SRRM4: variants seen among roughly 807,000 people sequenced by gnomAD.
The protein encoded by SRRM4 is serine/arginine repetitive matrix 4.
Under a neutral mutation model 68.9 loss-of-function variants are expected in SRRM4, and 33 were observed. The observed-to-expected ratio is 0.48, with a 90% CI of 0.36 to 0.64. SRRM4 has a LOEUF of 0.64. Ranked by LOEUF, SRRM4 falls within the 30% of genes least tolerant of loss-of-function variation. SRRM4 has a pLI of 0.00. For missense variants in SRRM4, 817 were observed against 827.1 expected (o/e 0.99, Z 0.15); for synonymous variants, 318 against 318.8 (o/e 1.00, Z 0.03).
At chr12:119,125,277 A>T in intron 6 of SRRM4, 104 bp from the exon 7 acceptor site, 1 of 999,144 alleles carries the variant, frequency 1.0e-6, no homozygotes, top group Non-Finnish European at 1.5e-6. Flanking sequence ...AGGGATGGTG[A>T]CCAGTGCAAA....
chr12:119,029,840 G>T (rs775683088), intron 1 of SRRM4, among the ~76,000 whole-genome samples: 4 of 152,180 alleles, frequency 2.6e-5, no homozygotes, highest in Non-Finnish European at 5.9e-5. Flanking sequence ...ACATGGCAGG[G>T]TCAGAGACAC....
intron 1 of SRRM4, among the ~76,000 whole-genome samples, chr12:118,990,811 TGTGTTTTTTTGG>T (rs1953311838): frequency 1.3e-5 from 2 of 151,536 alleles, no homozygotes; most frequent in African/African-American, 4.9e-5. Context: ...TTCTCTTGTT[TGTGTTTTTTTGG>T]TTTGTTTTTG....
chr12:119,099,845 C>A (rs1472937536), intron 1 of SRRM4, among the ~76,000 whole-genome samples: 1 of 152,158 alleles, frequency 6.6e-6, no homozygotes, highest in Non-Finnish European at 1.5e-5. Flanking sequence ...ATGGCTACCA[C>A]CAGAATCATC....
At chr12:118,985,172 A>G (rs1180625177) in intron 1 of SRRM4, among the ~76,000 whole-genome samples, 1 of 152,224 alleles carries the variant, frequency 6.6e-6, no homozygotes, top group Non-Finnish European at 1.5e-5. Context: ...CCTGATGGAC[A>G]ACTACATTCA....
chr12:119,115,317 T>A (rs542326034), intron 3 of SRRM4, among the ~76,000 whole-genome samples: 2 of 152,154 alleles, frequency 1.3e-5, no homozygotes, highest in Non-Finnish European at 2.9e-5. Flanking sequence ...TCCTTTAAAA[T>A]TTTTTTATAT....
chr12:119,084,764 A>G (rs1331242319), intron 1 of SRRM4, among the ~76,000 whole-genome samples: 1 of 152,236 alleles, frequency 6.6e-6, no homozygotes, highest in Admixed American at 6.5e-5. Context: ...GTGCACACAA[A>G]GAAGGGACAC....
Position 119,116,981 on chromosome 12 carries a change from A to G in SRRM4, c.410A>G (p.Lys137Arg), listed in dbSNP as rs1249929681. ...TCGCCTGTCAAGAAAAAGAAGAAGA[A>G]AAGTTCCAAGAAACACAAGCGACGC... ...SPSPVKKKKK[K>R]SSKKHKRRRS... Residue 137 changes from lysine to arginine, a missense_variant, in exon 4 of 13, where the codon AAA (lysine) becomes AGA (arginine). Coordinates refer to ENST00000267260, the MANE Select transcript of SRRM4 (RefSeq NM_194286.4). 13 of 1,613,762 alleles carry G rather than the reference A, an allele frequency of 8.1e-6. No homozygotes were observed. The highest frequency in any genetic ancestry group is 1.6e-4 in the Middle Eastern group (1 of 6,084).
intron 1 of SRRM4, among the ~76,000 whole-genome samples, chr12:119,088,448 T>C (rs1257287869): frequency 1.3e-5 from 2 of 152,206 alleles, no homozygotes; most frequent in Non-Finnish European, 2.9e-5. Context: ...CCTTCAATAA[T>C]AATTGCAATG....
rs116341353 is a variant in SRRM4, at chr12:118,999,230, C to T, written c.131+17217C>T. Among the ~76,000 whole-genome samples the T allele has an allele frequency of 4.8e-3, 731 of 152,292 alleles. 5 individuals are homozygous for T. The highest frequency in any genetic ancestry group is 0.017 in the African/African-American group (718 of 41,546). Reference sequence around the variant, plus strand: ...ATCAGGCAAGTCCAGGAGGGAGAGTCCTGCACCTGGGGAGCTATTTCTGGC... The same window carrying T: ...ATCAGGCAAGTCCAGGAGGGAGAGTTCTGCACCTGGGGAGCTATTTCTGGC... On this transcript the variant is annotated intron_variant, in intron 1 of 12. Transcript: ENST00000267260.
intron 1 of SRRM4, among the ~76,000 whole-genome samples, chr12:119,100,815 A>ACTTT (rs1954073713): frequency 1.3e-5 from 2 of 152,222 alleles, no homozygotes; most frequent in Non-Finnish European, 2.9e-5. Context: ...ATGGAAAGGT[A>ACTTT]ACCCCCATAG....
chr12:119,104,110 G>A (rs1478700467), intron 2 of SRRM4, among the ~76,000 whole-genome samples: 1 of 152,150 alleles, frequency 6.6e-6, no homozygotes, highest in Non-Finnish European at 1.5e-5. Flanking sequence ...TTTCCTCCAT[G>A]GGCCTCAGTG....
intron 1 of SRRM4, among the ~76,000 whole-genome samples, chr12:119,003,062 G>A (rs1953394965): frequency 6.6e-6 from 1 of 151,844 alleles, no homozygotes; most frequent in East Asian, 2.0e-4. Flanking sequence ...AGCTAGTAAG[G>A]GATCAAGCAG....
At chr12:119,117,246 G>A (rs532293455) in intron 4 of SRRM4, among the ~76,000 whole-genome samples, 45 of 152,280 alleles carry the variant, frequency 3.0e-4, no homozygotes, top group African/African-American at 9.6e-4. Context: ...GTGACTCAGG[G>A]ACCAGCCAGG....
At chr12:119,114,167 T>TA in intron 2 of SRRM4, 111 bp from the exon 3 acceptor site, 1 of 809,786 alleles carries the variant, frequency 1.2e-6, no homozygotes, top group East Asian at 2.7e-5. Context: ...AGGCACTGGC[T>TA]ATAGGTCCTT....
rs531477096 is a variant in SRRM4, at chr12:119,055,330, C to A, written c.132-46906C>A. ...GGGCCAGTAACTCCCTCCCCACATGCCTCACAAGACTATTCTAAAAAGCAC... is the reference window on the plus strand; with the variant it reads ...GGGCCAGTAACTCCCTCCCCACATGACTCACAAGACTATTCTAAAAAGCAC... On this transcript the variant is annotated intron_variant, in intron 1 of 12. Coordinates refer to ENST00000267260, the MANE Select transcript of SRRM4 (RefSeq NM_194286.4). 3.3e-5 allele frequency among the ~76,000 whole-genome samples: 5 copies of A among 152,166 alleles called. 1 individual carries two copies. The highest frequency in any genetic ancestry group is 3.3e-4 in the Admixed American group (5 of 15,268).
intron 1 of SRRM4, among the ~76,000 whole-genome samples, chr12:119,093,651 C>A (rs1166318181): frequency 6.6e-6 from 1 of 152,180 alleles, no homozygotes; most frequent in Admixed American, 6.5e-5. Flanking sequence ...CCCATGGTGA[C>A]ACAACTTAGC....
At chr12:119,004,887 T>G (rs1953406607) in intron 1 of SRRM4, among the ~76,000 whole-genome samples, 1 of 151,910 alleles carries the variant, frequency 6.6e-6, no homozygotes, top group Non-Finnish European at 1.5e-5. Context: ...CAGGATCCAT[T>G]TTCCTTTGTT....
intron 1 of SRRM4, among the ~76,000 whole-genome samples, chr12:119,023,666 C>T (rs958216378): frequency 2.0e-5 from 3 of 152,170 alleles, no homozygotes; most frequent in Non-Finnish European, 4.4e-5. Flanking sequence ...CTTTTCATTA[C>T]TCTCAGGAGA....
chr12:119,044,195 G>A (rs1457453006), intron 1 of SRRM4, among the ~76,000 whole-genome samples: 1 of 152,160 alleles, frequency 6.6e-6, no homozygotes, highest in African/African-American at 2.4e-5. Flanking sequence ...CACTAGGGTG[G>A]CACCAGGACC....
Sources: gnomAD v4.1 joint callset for allele counts (sites outside exome capture counted in the v4.1 genomes callset) on GRCh38, gnomAD v4.1.1 for gene constraint, MANE v1.5 for transcripts, NCBI Gene and HGNC (gene_info 2026-07-23, HGNC 2026-07-21) for gene names.